Variants in GPC3 observed in about 807,000 individuals in gnomAD.
GPC3 encodes the protein glypican-3.
A neutral mutation model predicts 34.4 loss-of-function variants in GPC3; 3 were observed. The observed-to-expected ratio is 0.09, with a 90% CI of 0.04 to 0.23. GPC3 has a LOEUF of 0.23. Among genes scored for constraint, GPC3 ranks in the 10% least tolerant of loss-of-function variants. The pLI is 1.00. For synonymous variants in GPC3, 177 were observed against 174.0 expected (o/e 1.02, Z -0.13); for missense variants, 351 against 445.6 (o/e 0.79, Z 1.91).
At chrX:133,871,966 T>C (rs1434492419) in intron 2 of GPC3, among the ~76,000 whole-genome samples, 1 of 111,341 alleles carries the variant, frequency 9.0e-6, no homozygotes, top group East Asian at 2.8e-4. Flanking sequence ...TTTTAAGAGA[T>C]AGGGTGTCCC....
intron 2 of GPC3, among the ~76,000 whole-genome samples, chrX:133,834,909 T>C (rs2075792664): frequency 8.9e-6 from 1 of 112,065 alleles, no homozygotes; most frequent in Non-Finnish European, 1.9e-5. Flanking sequence ...ATTTTTCTGC[T>C]GCAACAATAA....
At chrX:133,596,773 T>A (rs2069922385) in intron 6 of GPC3, among the ~76,000 whole-genome samples, 174 bp from the exon 7 acceptor site, 1 of 112,254 alleles carries the variant, frequency 8.9e-6, no homozygotes, top group Admixed American at 9.4e-5. Context: ...AGTTTCAGAC[T>A]TCTGAACCTT....
intron 3 of GPC3, among the ~76,000 whole-genome samples, chrX:133,729,287 T>C (rs1338150658): frequency 9.0e-6 from 1 of 111,293 alleles, no homozygotes; most frequent in African/African-American, 3.3e-5. Flanking sequence ...AAGGACCCTA[T>C]TCCCTCCATT....
chrX:133,892,561 TC>T (rs1433908504), intron 2 of GPC3, among the ~76,000 whole-genome samples: 1 of 111,158 alleles, frequency 9.0e-6, no homozygotes, highest in Non-Finnish European at 1.9e-5. Flanking sequence ...TTACAACCTG[TC>T]CAAACAGGAT....
chrX:133,643,921 G>A (rs1343254406), intron 6 of GPC3, among the ~76,000 whole-genome samples: 4 of 106,502 alleles, frequency 3.8e-5, no homozygotes, highest in South Asian at 4.3e-4. Context: ...TCTGCCTTCC[G>A]GTTTCAAGCG....
At chrX:133,850,669 C>T (rs1410648504) in intron 2 of GPC3, among the ~76,000 whole-genome samples, 1 of 111,191 alleles carries the variant, frequency 9.0e-6, no homozygotes, top group Non-Finnish European at 1.9e-5. Flanking sequence ...TGAGCTCATC[C>T]TTCCTCATTA....
rs185416721 is a variant in GPC3, at chrX:133,695,761, G to A, written c.1167-3267C>T. Among the ~76,000 whole-genome samples the A allele has an allele frequency of 4.9e-3, 547 of 111,948 alleles. 3 individuals are homozygous for A. Among genetic ancestry groups the A allele is most frequent in the Middle Eastern group, 0.023 (5 of 214 alleles). ...ATATATGTTCACTATGGAGAATTTA[G>A]AAAATAAAGAAAGATAGAAAGGGAA... On this transcript the variant is annotated intron_variant, in intron 4 of 7. Transcript: ENST00000370818.
At chrX:133,675,792 G>T (rs2070878411) in intron 5 of GPC3, among the ~76,000 whole-genome samples, 1 of 112,168 alleles carries the variant, frequency 8.9e-6, no homozygotes, top group African/African-American at 3.2e-5. Flanking sequence ...CTAGAGAACA[G>T]CAGAGTTCCT....
chrX:133,782,908 G>A (rs1267695669), intron 2 of GPC3, among the ~76,000 whole-genome samples: 1 of 111,468 alleles, frequency 9.0e-6, no homozygotes, highest in Admixed American at 9.6e-5. Flanking sequence ...TTTTGACTCA[G>A]GCAGCAAGAA....
At chrX:133,555,960 C>T (rs948371430) in intron 7 of GPC3, among the ~76,000 whole-genome samples, 6 of 111,986 alleles carry the variant, frequency 5.4e-5, no homozygotes, top group Admixed American at 3.8e-4. Context: ...TTGCCCAATC[C>T]AGAAACCTGC....
At chrX:133,904,988 A>G (rs988424293) in intron 2 of GPC3, among the ~76,000 whole-genome samples, 6 of 112,425 alleles carry the variant, frequency 5.3e-5, no homozygotes, top group Non-Finnish European at 1.1e-4. Context: ...CACAGCAAAG[A>G]AAGCAAATTT....
chrX:133,839,893 A>C (rs1182332800), intron 2 of GPC3, among the ~76,000 whole-genome samples: 1 of 97,405 alleles, frequency 1.0e-5, no homozygotes, highest in Non-Finnish European at 2.0e-5. Context: ...ACGCCACTGC[A>C]CTCCAGCCTG....
intron 3 of GPC3, among the ~76,000 whole-genome samples, chrX:133,727,755 G>A (rs1288677779): frequency 9.0e-6 from 1 of 111,607 alleles, no homozygotes; most frequent in African/African-American, 3.3e-5. Context: ...GCCACAGCCT[G>A]GGTTCCAATG....
At chrX:133,910,415 A>G (rs1218175916) in intron 2 of GPC3, among the ~76,000 whole-genome samples, 4 of 110,251 alleles carry the variant, frequency 3.6e-5, no homozygotes, top group African/African-American at 9.9e-5. Flanking sequence ...AACAGAATGG[A>G]AAAAAAAAGG....
chrX:133,973,675 C>T (rs1381844416), intron 1 of GPC3, among the ~76,000 whole-genome samples: 6 of 112,489 alleles, frequency 5.3e-5, no homozygotes, highest in Non-Finnish European at 9.4e-5. Context: ...TCTCCATAGA[C>T]ACTTATGAAA....
At chrX:133,719,116 A>C (rs1285118590) in intron 3 of GPC3, among the ~76,000 whole-genome samples, 1 of 110,915 alleles carries the variant, frequency 9.0e-6, no homozygotes, top group Non-Finnish European at 1.9e-5. Context: ...TCTATAGAAC[A>C]CTCCATACAA....
intron 2 of GPC3, among the ~76,000 whole-genome samples, chrX:133,879,336 A>G (rs1299168966): frequency 1.8e-5 from 2 of 110,871 alleles, no homozygotes; most frequent in Non-Finnish European, 3.8e-5. Flanking sequence ...GCTTGATGTT[A>G]CCTAACATAC....
chrX:133,914,178 A>G (rs2076213256), intron 2 of GPC3, among the ~76,000 whole-genome samples: 1 of 111,494 alleles, frequency 9.0e-6, no homozygotes, highest in South Asian at 3.8e-4. Flanking sequence ...TAGGGTAAAC[A>G]TGTCTTGCCT....
chrX:133,688,398 G>A (rs1312092811), intron 5 of GPC3, among the ~76,000 whole-genome samples: 3 of 111,409 alleles, frequency 2.7e-5, no homozygotes, highest in African/African-American at 6.5e-5. Context: ...AGACTGGATC[G>A]GTGAAAACAT....
Sources: gnomAD v4.1 joint callset for allele counts (sites outside exome capture counted in the v4.1 genomes callset) on GRCh38, gnomAD v4.1.1 for gene constraint, MANE v1.5 for transcripts, NCBI Gene and HGNC (gene_info 2026-07-23, HGNC 2026-07-21) for gene names.